SATB1: variants seen among roughly 807,000 people sequenced by gnomAD.
SATB1 encodes SATB homeobox 1, also known as DNA-binding protein SATB1.
Under a neutral mutation model 86.9 loss-of-function variants are expected in SATB1, and 11 were observed. That is an observed-to-expected ratio of 0.13 (90% CI 0.08 to 0.21). The LOEUF (loss-of-function observed/expected upper bound fraction) is 0.21. Among genes scored for constraint, SATB1 ranks in the 10% least tolerant of loss-of-function variants. SATB1 has a pLI of 1.00. For missense variants in SATB1, 551 were observed against 937.6 expected (o/e 0.59, Z 5.39); for synonymous variants, 357 against 357.2 (o/e 1.00, Z 0.01).
chr3:18,388,531 G>A (rs1696463840), intron 7 of SATB1, among the ~76,000 whole-genome samples: 1 of 152,038 alleles, frequency 6.6e-6, no homozygotes, highest in Non-Finnish European at 1.5e-5. Flanking sequence ...CATCATCCCA[G>A]CACAATGTCT....
At chr3:18,398,618 G>A (rs1384394699) in intron 5 of SATB1, among the ~76,000 whole-genome samples, 2 of 152,096 alleles carry the variant, frequency 1.3e-5, no homozygotes, top group Non-Finnish European at 2.9e-5. Context: ...ACACATTTCT[G>A]GAATATGTAA....
At chr3:18,415,946 CT>C in intron 4 of SATB1, 60 bp downstream of exon 4, 1 of 1,462,492 alleles carries the variant, frequency 6.8e-7, no homozygotes, top group South Asian at 1.4e-5. Flanking sequence ...GAGAGAAATG[CT>C]TCATTTCAAA....
At chr3:18,379,521 G>T (rs534166577) in intron 8 of SATB1, among the ~76,000 whole-genome samples, 23 of 152,274 alleles carry the variant, frequency 1.5e-4, no homozygotes, top group African/African-American at 5.3e-4. Flanking sequence ...GAAGTATGCT[G>T]TAGAATAAAC....
At chr3:18,368,227 A>G (rs543144468) in intron 9 of SATB1, among the ~76,000 whole-genome samples, 1 of 152,374 alleles carries the variant, frequency 6.6e-6, no homozygotes, top group South Asian at 2.1e-4. Flanking sequence ...GTTGTGATAT[A>G]GGAATTGAAT....
intron 9 of SATB1, among the ~76,000 whole-genome samples, chr3:18,362,026 A>G (rs929064922): frequency 6.6e-6 from 1 of 152,214 alleles, no homozygotes; most frequent in Middle Eastern, 3.4e-3. Context: ...TAGTTTTGTA[A>G]TAAAAATATA....
intron 1 of SATB1, among the ~76,000 whole-genome samples, chr3:18,438,296 C>T (rs942889952): frequency 6.6e-6 from 1 of 152,048 alleles, no homozygotes; most frequent in Non-Finnish European, 1.5e-5. Context: ...AAAGAATGCC[C>T]CCTCACACAG....
intron 9 of SATB1, among the ~76,000 whole-genome samples, chr3:18,372,508 G>C (rs1198352950): frequency 6.6e-6 from 1 of 152,030 alleles, no homozygotes; most frequent in Non-Finnish European, 1.5e-5. Flanking sequence ...AAGTGTCTAG[G>C]GGATAAATCA....
At chr3:18,372,858 G>C (rs1179990670) in intron 9 of SATB1, among the ~76,000 whole-genome samples, 1 of 152,058 alleles carries the variant, frequency 6.6e-6, no homozygotes, top group Admixed American at 6.5e-5. Context: ...GTTATAAATG[G>C]CCACTAATAT....
In SATB1 at chr3:18,349,765, C is replaced by T; in HGVS notation, c.1780-83G>A. The stretch of plus-strand genomic sequence containing the variant: ...CGTCTCCAATCAGGAAAAATGTGGT[C>T]CCGGATCCTACATATAGCTTCTTTG... On this transcript the variant is annotated intron_variant, in intron 10 of 10. Transcript: ENST00000338745. This position sits in a 1 kb window ranked among gnomAD's most constrained non-coding sequence, Gnocchi z 5.5. The T allele has an allele frequency of 1.3e-6, 2 of 1,493,404 alleles. No individual in the cohort carries two copies. 92.5% of individuals were successfully genotyped at this position (1,493,404 alleles called of 1,614,324 possible).
Position 18,376,198 on chromosome 3 carries a change from G to A in SATB1, c.1575+1972C>T, listed in dbSNP as rs117822185. ...CAGCCCAGATTGGGGAGAACCCGGG[G>A]TATCATTTAAAAGGATGAAGTCAAA... is the stretch of plus-strand genomic sequence containing the variant. On this transcript the variant is annotated intron_variant, in intron 9 of 10. Coordinates refer to ENST00000338745, the MANE Select transcript of SATB1 (RefSeq NM_002971.6). Among the ~76,000 whole-genome samples, 509 of 150,828 alleles carry A rather than the reference G, an allele frequency of 3.4e-3. 6 individuals carry two copies. Among genetic ancestry groups the A allele is most frequent in the East Asian group, 0.027 (141 of 5,152 alleles).
chr3:18,364,997 T>C (rs560900516), intron 9 of SATB1, among the ~76,000 whole-genome samples: 1 of 152,190 alleles, frequency 6.6e-6, no homozygotes, highest in Non-Finnish European at 1.5e-5. Flanking sequence ...TGTGTAGGGT[T>C]AAGGGGTTGA....
chr3:18,360,461 A>G (rs1396189235), intron 9 of SATB1, among the ~76,000 whole-genome samples: 3 of 151,798 alleles, frequency 2.0e-5, no homozygotes, highest in Non-Finnish European at 4.4e-5. Flanking sequence ...ATTGCTGAGC[A>G]CTGCCCTACA....
intron 3 of SATB1, among the ~76,000 whole-genome samples, 172 bp downstream of exon 3, chr3:18,416,730 G>A (rs1422412857): frequency 1.3e-5 from 2 of 152,064 alleles, no homozygotes; most frequent in African/African-American, 4.8e-5. Flanking sequence ...TGAGCAAAAT[G>A]TGTGTTAACT....
chr3:18,403,700 C>T (rs998885868), intron 5 of SATB1, among the ~76,000 whole-genome samples: 1 of 151,940 alleles, frequency 6.6e-6, no homozygotes, highest in Non-Finnish European at 1.5e-5. Context: ...ATGTATAAAG[C>T]CCTACAGTTA....
intron 7 of SATB1, among the ~76,000 whole-genome samples, chr3:18,387,739 T>C (rs1254532236): frequency 1.3e-5 from 2 of 152,198 alleles, no homozygotes; most frequent in Non-Finnish European, 2.9e-5. Flanking sequence ...AGGATTTCTA[T>C]ATAATTTGCA....
rs77422216 is a variant in SATB1 at position 18,411,779 on chromosome 3, A to G, written c.639+3332T>C. Among the ~76,000 whole-genome samples, 960 of 152,160 alleles carry G rather than the reference A, an allele frequency of 6.3e-3. 26 individuals carry two copies. In the East Asian group the frequency reaches 0.067, roughly 11 times the overall value. Reference sequence around the variant, plus strand: ...TTCTTATGTCTTAGAACATTTTACAAAAATAAAAAAACACATGGTACAAAG... The same window carrying G: ...TTCTTATGTCTTAGAACATTTTACAGAAATAAAAAAACACATGGTACAAAG... On this transcript the variant is annotated intron_variant, in intron 5 of 10. Coordinates refer to ENST00000338745, the MANE Select transcript of SATB1 (RefSeq NM_002971.6).
intron 10 of SATB1, chr3:18,350,620 A>G (rs753828257): frequency 3.3e-5 from 5 of 152,320 alleles, no homozygotes; most frequent in Admixed American, 6.5e-5. Flanking sequence ...TTTATTAAAA[A>G]CAATTTATAT....
At chr3:18,372,638 G>A (rs891231010) in intron 9 of SATB1, among the ~76,000 whole-genome samples, 1 of 152,016 alleles carries the variant, frequency 6.6e-6, no homozygotes, top group African/African-American at 2.4e-5. Flanking sequence ...ATTTTTAGGA[G>A]GCAAGAATCT....
At chr3:18,372,563 T>C (rs186996950) in intron 9 of SATB1, among the ~76,000 whole-genome samples, 30 of 152,216 alleles carry the variant, frequency 2.0e-4, no homozygotes, top group Middle Eastern at 3.4e-3. Context: ...AAGTAAGCAA[T>C]TGTTCTATTT....
Sources: gnomAD v4.1 joint callset for allele counts (sites outside exome capture counted in the v4.1 genomes callset) on GRCh38, gnomAD v4.1.1 for gene constraint, Gnocchi (gnomAD v3.1) non-coding constraint, MANE v1.5 for transcripts, NCBI Gene and HGNC (gene_info 2026-07-23, HGNC 2026-07-21) for gene names.